PLA2G6: variants seen among roughly 807,000 people sequenced by gnomAD.
PLA2G6 encodes phospholipase A2 group VI.
A neutral mutation model predicts 83.8 loss-of-function variants in PLA2G6; 62 were observed. The ratio of observed to expected loss-of-function variants is 0.74; its 90% confidence interval spans 0.60 to 0.91. PLA2G6 has a LOEUF of 0.91. Ranked by LOEUF, PLA2G6 falls within the 40% of genes least tolerant of loss-of-function variation. The probability of loss-of-function intolerance (pLI) is 0.00; values close to 1 mark genes in which losing one functional copy is unlikely to be tolerated. For missense variants in PLA2G6, 944 were observed against 1,102.0 expected (o/e 0.86, Z 2.03); for synonymous variants, 417 against 449.8 (o/e 0.93, Z 0.92).
At chr22:38,152,728 C>T (rs1454164002) in intron 2 of PLA2G6, among the ~76,000 whole-genome samples, 3 of 152,130 alleles carry the variant, frequency 2.0e-5, no homozygotes, top group Admixed American at 6.5e-5. Flanking sequence ...TCTCTGCTAG[C>T]AGGATGTATG....
intron 7 of PLA2G6, chr22:38,131,144 G>T (rs2088187189): frequency 1.3e-5 from 2 of 152,154 alleles, no homozygotes; most frequent in South Asian, 2.1e-4. Context: ...AAGACCTGGG[G>T]ACCCCTGTGA....
At chr22:38,134,602 A>C (rs192941865) in intron 6 of PLA2G6, 112 of 207,788 alleles carry the variant, frequency 5.4e-4, no homozygotes, top group East Asian at 2.6e-3. Flanking sequence ...CTCTCTCTCT[A>C]TATATATATC....
chr22:38,179,813 A>G (rs2090775972), intron 1 of PLA2G6, among the ~76,000 whole-genome samples: 1 of 152,098 alleles, frequency 6.6e-6, no homozygotes, highest in African/African-American at 2.4e-5. Context: ...TCAAGTTTGA[A>G]AAGCCTAAGT....
chr22:38,178,388 T>C (rs930537137), intron 1 of PLA2G6, among the ~76,000 whole-genome samples: 2 of 152,000 alleles, frequency 1.3e-5, no homozygotes, highest in East Asian at 3.9e-4. Context: ...CTGGGTAATA[T>C]AGTGAGACCT....
At chr22:38,126,185 A>AT in intron 10 of PLA2G6, 186 bp downstream of exon 10, 1 of 671,718 alleles carries the variant, frequency 1.5e-6, no homozygotes, top group Non-Finnish European at 2.7e-6. Flanking sequence ...ACCGCCCAGC[A>AT]TTAATGAACG....
At chr22:38,165,846 C>T (rs112035659) in intron 2 of PLA2G6, among the ~76,000 whole-genome samples, 6,436 of 152,186 alleles carry the variant, frequency 0.042, 170 homozygotes, top group South Asian at 0.11. Context: ...TGCCACTGCA[C>T]TCCAGCCTGA....
intron 4 of PLA2G6, chr22:38,141,050 C>T (rs552504934): frequency 1.4e-4 from 22 of 152,222 alleles, no homozygotes; most frequent in African/African-American, 5.1e-4. Context: ...AAAAATTAGC[C>T]GGGTGTGGTG....
intron 7 of PLA2G6, 137 bp from the exon 8 acceptor site, chr22:38,129,699 T>G (rs181622396): frequency 2.0e-5 from 14 of 715,804 alleles, no homozygotes; most frequent in Non-Finnish European, 3.6e-5. Context: ...GGAACCCTCC[T>G]CACCCCCACC....
intron 12 of PLA2G6, among the ~76,000 whole-genome samples, chr22:38,117,066 C>T (rs1359650708): frequency 6.6e-6 from 1 of 151,666 alleles, no homozygotes; most frequent in Non-Finnish European, 1.5e-5. Flanking sequence ...AACTCCAGGC[C>T]TAGAAGAATT....
intron 2 of PLA2G6, among the ~76,000 whole-genome samples, chr22:38,155,108 T>A (rs1197140667): frequency 6.6e-6 from 1 of 151,974 alleles, no homozygotes; most frequent in Non-Finnish European, 1.5e-5. Flanking sequence ...GCGCCTGTAA[T>A]CCCAGCTACT....
rs144910769 is a variant in PLA2G6, at chr22:38,169,311, C to T, written c.116G>A (p.Arg39Gln). 52 of 1,614,198 alleles carry T rather than the reference C, an allele frequency of 3.2e-5. No homozygotes were observed. The highest frequency in any genetic ancestry group is 3.8e-5 in the Non-Finnish European group (45 of 1,180,024). ...GAACAGAATCAGCTGCCCTTCCTCC[C>T]GAACTCGGTCACTCGAGGTGTAGTC... The part of the protein sequence containing the change: ...VADYTSSDRV[R>Q]EEGQLILFQN... The change falls in exon 2 of 17, where the codon CGG (arginine) becomes CAG (glutamine). Residue 39 changes from arginine (R) to glutamine (Q), a missense_variant. Physicochemically the swap from Arg to Gln is conservative, Grantham distance 43 (BLOSUM62 1). Transcript: ENST00000332509.
intron 3 of PLA2G6, 97 bp downstream of exon 3, chr22:38,145,341 A>C: frequency 9.6e-7 from 1 of 1,045,312 alleles, no homozygotes; most frequent in Non-Finnish European, 1.5e-6. Flanking sequence ...GCTCCTTTTT[A>C]AGTCAAACTA....
chr22:38,128,961 G>A lies in PLA2G6; in HGVS notation c.1186+493C>T, dbSNP rs2088040356. 6.6e-6 allele frequency among the ~76,000 whole-genome samples: 1 copy of A among 152,236 alleles called. No individual in the cohort carries two copies. Among genetic ancestry groups the A allele is most frequent in the African/African-American group, 2.4e-5 (1 of 41,468 alleles). On this transcript the variant is annotated intron_variant, in intron 8 of 16. Transcript: ENST00000332509. The surrounding 1 kb of genome is among the most constrained non-coding windows in gnomAD (Gnocchi z 4.4). ...CAGCTGCTGAAACCCTCCAGAGCGG[G>A]CTCCAGGCCTCTGGTGAGGAGGATC...
intron 2 of PLA2G6, among the ~76,000 whole-genome samples, chr22:38,162,119 G>T (rs2090036271): frequency 6.8e-6 from 1 of 146,854 alleles, no homozygotes; most frequent in African/African-American, 2.5e-5. Context: ...GAGGCAGAGA[G>T]AACTGCTTGA....
chr22:38,143,421 C>T (rs887286819), intron 3 of PLA2G6, 133 bp from the exon 4 acceptor site: 8 of 802,210 alleles, frequency 1.0e-5, no homozygotes, highest in Admixed American at 1.9e-5. Flanking sequence ...AGAGCATTCC[C>T]GCCACTCAGC....
Position 38,112,151 on chromosome 22 carries a change from C to G in PLA2G6, c.*10G>C. The G allele has an allele frequency of 1.3e-6, 2 of 1,574,004 alleles. No homozygotes were observed. The highest frequency in any genetic ancestry group is 1.7e-6 in the Non-Finnish European group (2 of 1,160,240). ...GAGGTCAGCTGGGGCCGGTGAGAGG[C>G]TGGGGACCCTCAGGGTGAGAGCAGC... On this transcript the variant is annotated 3_prime_UTR_variant, in exon 17 of 17. Coordinates refer to ENST00000332509, the MANE Select transcript of PLA2G6 (RefSeq NM_003560.4).
intron 2 of PLA2G6, among the ~76,000 whole-genome samples, chr22:38,162,835 C>T (rs5756940): frequency 0.3 from 45,768 of 151,938 alleles, 7,431 homozygotes; most frequent in South Asian, 0.43. Context: ...CAGGAGGCTG[C>T]GGGGCAAGCG....
chr22:38,125,741 G>T (rs1248477127), intron 10 of PLA2G6: 1 of 469,572 alleles, frequency 2.1e-6, no homozygotes, highest in African/African-American at 2.0e-5. Context: ...TTAGGAACAT[G>T]AGAGACTAAT....
chr22:38,135,220 C>T (rs2088478710), intron 5 of PLA2G6, 136 bp from the exon 6 acceptor site: 3 of 689,838 alleles, frequency 4.3e-6, no homozygotes, highest in Admixed American at 2.0e-5. Context: ...CCAACCAGCA[C>T]ACTCACCATG....
Sources: allele counts gnomAD v4.1 joint callset (sites outside exome capture counted in the v4.1 genomes callset), GRCh38; gene constraint gnomAD v4.1.1; non-coding constraint Gnocchi (gnomAD v3.1); transcripts MANE v1.5; gene names NCBI Gene and HGNC (gene_info 2026-07-23, HGNC 2026-07-21).